Variants in PCDHA2 observed in about 807,000 individuals in gnomAD.
The protein encoded by PCDHA2 is protocadherin alpha 2, also known as protocadherin alpha-2.
A neutral mutation model predicts 66.0 loss-of-function variants in PCDHA2; 58 were observed. That is an observed-to-expected ratio of 0.88 (90% CI 0.71 to 1.09). PCDHA2 has a LOEUF of 1.09. PCDHA2 is among the 50% of genes least tolerant of loss of function. The pLI, the probability that PCDHA2 is intolerant of heterozygous loss-of-function variation, is 0.00. For synonymous variants in PCDHA2, 634 were observed against 554.0 expected (o/e 1.14, Z -2.03); for missense variants, 1,267 against 1,242.3 (o/e 1.02, Z -0.30).
intron 1 of PCDHA2, among the ~76,000 whole-genome samples, chr5:140,975,386 G>A (rs2096665314): frequency 6.6e-6 from 1 of 152,252 alleles, no homozygotes; most frequent in Admixed American, 6.5e-5. Flanking sequence ...ATGGGAATAA[G>A]ATCCATCACA....
chr5:140,899,551 GC>G (rs1220661801), intron 1 of PCDHA2, among the ~76,000 whole-genome samples: 12 of 152,288 alleles, frequency 7.9e-5, no homozygotes, highest in Middle Eastern at 6.8e-3. Context: ...TGGTGGATAA[GC>G]TTTTTGATGT....
Position 140,966,881 on chromosome 5 carries a change from C to T in PCDHA2, c.2389-12068C>T, listed in dbSNP as rs2096065304. 4.4e-6 allele frequency: 7 copies of T among 1,588,952 alleles called. No individual in the cohort carries two copies. In the South Asian group the frequency reaches 6.7e-5, roughly 15 times the overall value. ...GCTGTTGCTGCTGCTGCTACCTGGC[C>T]CTGCGGCCTCCCAGCTGCGATACTC... On this transcript the variant is annotated intron_variant, in intron 1 of 3. Coordinates refer to ENST00000526136, the MANE Select transcript of PCDHA2 (RefSeq NM_018905.3).
chr5:140,839,273 ACCTT>A (rs1255974388), intron 1 of PCDHA2, among the ~76,000 whole-genome samples: 6 of 152,020 alleles, frequency 3.9e-5, no homozygotes, highest in Admixed American at 3.3e-4. Flanking sequence ...TATATTTAAA[ACCTT>A]CCTAGCATAT....
chr5:140,858,157 C>T (rs782793736), intron 1 of PCDHA2: 2 of 1,597,628 alleles, frequency 1.3e-6, no homozygotes, highest in Admixed American at 1.7e-5. Flanking sequence ...TCGCCATCTG[C>T]GCGGTGTCCA....
intron 1 of PCDHA2, chr5:140,852,646 A>G (rs1554146012): frequency 1.0e-6 from 1 of 958,708 alleles, no homozygotes; most frequent in Admixed American, 6.4e-5. Context: ...CATTAAACCT[A>G]TCTATATCTG....
chr5:140,875,751 G>A lies in PCDHA2; in HGVS notation c.2388+78399G>A, dbSNP rs781862261. On this transcript the variant is annotated intron_variant, in intron 1 of 3. Transcript: ENST00000526136. ...TTGTGAATTCTCGGATCGACCGCGA[G>A]AAGCTGTGCGGGCGGAGCGCGGAGT... 1.9e-6 allele frequency: 3 copies of A among 1,614,278 alleles called. No individual in the cohort carries two copies. In the South Asian group the frequency reaches 3.3e-5, roughly 18 times the overall value.
intron 1 of PCDHA2, chr5:140,841,826 A>T: frequency 6.2e-7 from 1 of 1,613,900 alleles, no homozygotes; most frequent in Non-Finnish European, 8.5e-7. Flanking sequence ...CTCCGTGTTA[A>T]CCTACAGGCT....
chr5:140,890,069 A>C (rs1554184149), intron 1 of PCDHA2, among the ~76,000 whole-genome samples: 1 of 152,204 alleles, frequency 6.6e-6, no homozygotes, highest in Non-Finnish European at 1.5e-5. Flanking sequence ...TTACTGGCTT[A>C]TGAGAACTGA....
At position 140,890,629 on chromosome 5, in the gene PCDHA2, A is replaced by T. The variant is rs6883083; in HGVS notation, c.2389-88320A>T. On this transcript the variant is annotated intron_variant, in intron 1 of 3. Transcript: ENST00000526136. ...TAGTGCTTACCCTAGAAAATTAAGCATGTATCCTTGATATATCAAAATCAA... is the reference window on the plus strand; with the variant it reads ...TAGTGCTTACCCTAGAAAATTAAGCTTGTATCCTTGATATATCAAAATCAA... Among the ~76,000 whole-genome samples, 1,394 of 152,274 alleles carry T rather than the reference A, an allele frequency of 9.2e-3. 17 individuals are homozygous for T. Among genetic ancestry groups the T allele is most frequent in the African/African-American group, 0.032 (1,348 of 41,546 alleles).
intron 1 of PCDHA2, chr5:140,857,725 C>T: frequency 6.3e-7 from 1 of 1,597,502 alleles, no homozygotes; most frequent in Non-Finnish European, 8.6e-7. Context: ...ACGAGAACGA[C>T]AACGCTCCCG....
At chr5:141,004,054 G>A (rs2098150015) in intron 3 of PCDHA2, among the ~76,000 whole-genome samples, 1 of 152,216 alleles carries the variant, frequency 6.6e-6, no homozygotes, top group Admixed American at 6.5e-5. Flanking sequence ...TGCTGATACT[G>A]GCCCCTGGTT....
chr5:140,962,050 A>AT (rs1207278188), intron 1 of PCDHA2, among the ~76,000 whole-genome samples: 3 of 151,684 alleles, frequency 2.0e-5, no homozygotes, highest in African/African-American at 7.3e-5. Context: ...TGCCTGGCTA[A>AT]TTTTTTTGTA....
chr5:140,810,327 G>T (rs541763834), intron 1 of PCDHA2: 2 of 152,304 alleles, frequency 1.3e-5, no homozygotes, highest in South Asian at 4.1e-4. Flanking sequence ...CATGTACACA[G>T]ATTTCTCTCA....
At chr5:140,995,738 T>G (rs1441000111) in intron 3 of PCDHA2, among the ~76,000 whole-genome samples, 1 of 152,150 alleles carries the variant, frequency 6.6e-6, no homozygotes, top group Non-Finnish European at 1.5e-5. Context: ...CTGGTGGATT[T>G]GGTATATCAT....
intron 1 of PCDHA2, chr5:140,836,813 T>A (rs984631065): frequency 8.2e-7 from 1 of 1,217,894 alleles, no homozygotes; most frequent in African/African-American, 1.5e-5. Flanking sequence ...TTTTCTTTCA[T>A]AATTTCTTTT....
intron 3 of PCDHA2, among the ~76,000 whole-genome samples, chr5:141,000,391 C>CTATATA (rs2097912428): frequency 7.1e-5 from 4 of 56,662 alleles, no homozygotes; most frequent in Non-Finnish European, 1.2e-4. Flanking sequence ...CTCTCTCTCT[C>CTATATA]TCTCTATATA....
At chr5:140,928,928 C>T in intron 1 of PCDHA2, 3 of 1,614,130 alleles carry the variant, frequency 1.9e-6, no homozygotes, top group Non-Finnish European at 2.5e-6. Context: ...CAGCTTTCTG[C>T]CCAGAACTTG....
At position 140,978,454 on chromosome 5, in the gene PCDHA2, C is replaced by T. The variant is rs980177257; in HGVS notation, c.2389-495C>T. Among the ~76,000 whole-genome samples, 5 of 152,314 alleles carry T rather than the reference C, an allele frequency of 3.3e-5. No individual in the cohort carries two copies. The South Asian group carries it at 8.3e-4, about 25-fold the overall frequency. ...TGCTGGTGTTATGACTGGGCACATC[C>T]GCCCTGGGTCAAATATGCTGCAGTC... On this transcript the variant is annotated intron_variant, in intron 1 of 3. Coordinates refer to ENST00000526136, the MANE Select transcript of PCDHA2 (RefSeq NM_018905.3).
intron 1 of PCDHA2, chr5:140,830,638 T>C (rs1389009396): frequency 2.4e-5 from 12 of 501,874 alleles, no homozygotes; most frequent in African/African-American, 1.2e-4. Context: ...TTAATCTCTT[T>C]GCTTCTTTAA....
Sources: allele counts gnomAD v4.1 joint callset (sites outside exome capture counted in the v4.1 genomes callset), GRCh38; gene constraint gnomAD v4.1.1; transcripts MANE v1.5; gene names NCBI Gene and HGNC (gene_info 2026-07-23, HGNC 2026-07-21).